SH3BP4: variants seen among roughly 807,000 people sequenced by gnomAD.
The protein encoded by SH3BP4 is SH3 domain-binding protein 4.
A neutral mutation model predicts 65.5 loss-of-function variants in SH3BP4; 33 were observed. The ratio of observed to expected loss-of-function variants is 0.50; its 90% CI spans 0.38 to 0.67. The LOEUF (loss-of-function observed/expected upper bound fraction) is 0.67. Ranked by LOEUF, SH3BP4 falls within the 30% of genes least tolerant of loss-of-function variation. SH3BP4 has a pLI of 0.00. For synonymous variants in SH3BP4, 552 were observed against 545.5 expected (o/e 1.01, Z -0.17); for missense variants, 1,134 against 1,261.4 (o/e 0.90, Z 1.53).
intron 2 of SH3BP4, among the ~76,000 whole-genome samples, chr2:235,002,425 A>G (rs1231264880): frequency 6.6e-6 from 1 of 152,196 alleles, no homozygotes; most frequent in Non-Finnish European, 1.5e-5. Context: ...TGCCTCAGAG[A>G]AGCTGAAGTC....
At chr2:235,010,361 A>G (rs1694441159) in intron 2 of SH3BP4, among the ~76,000 whole-genome samples, 3 of 152,164 alleles carry the variant, frequency 2.0e-5, no homozygotes, top group African/African-American at 4.8e-5. Context: ...GCAGGGCAAG[A>G]TGCACACAGT....
chr2:235,023,295 T>C (rs1694899119), intron 2 of SH3BP4, among the ~76,000 whole-genome samples: 1 of 152,104 alleles, frequency 6.6e-6, no homozygotes, highest in Admixed American at 6.6e-5. Context: ...ACCTATACTC[T>C]CAGCACTTTG....
At chr2:235,019,705 G>A (rs574536290) in intron 2 of SH3BP4, among the ~76,000 whole-genome samples, 1 of 151,778 alleles carries the variant, frequency 6.6e-6, no homozygotes, top group South Asian at 2.1e-4. Flanking sequence ...TAAAGTGCTG[G>A]CATTACAGGT....
At chr2:234,986,430 G>A (rs1693561899) in intron 1 of SH3BP4, among the ~76,000 whole-genome samples, 1 of 152,250 alleles carries the variant, frequency 6.6e-6, no homozygotes, top group Non-Finnish European at 1.5e-5. Flanking sequence ...AGGCAGGAAT[G>A]TTAACTTCTA....
rs75556478 is a variant in SH3BP4 at position 235,055,049 on chromosome 2, A to G, written c.*1233A>G. On this transcript the variant is annotated 3_prime_UTR_variant, in exon 6 of 6. Transcript: ENST00000392011. ...TGACTCACATAAAATCAGGAACTTG[A>G]CACAGTGTTGCATTAATAACTTTAG... The G allele has an allele frequency of 0.08, 12,242 of 152,300 alleles. 607 individuals carry two copies. The highest frequency in any genetic ancestry group is 0.14 in the African/African-American group (5,724 of 41,550). 9.4% of individuals were successfully genotyped at this position (152,300 alleles called of 1,614,324 possible). A position where few individuals can be genotyped will look rare whatever the true frequency, so the allele number is the denominator to read the frequency against.
At chr2:235,021,132 G>A (rs548536662) in intron 2 of SH3BP4, among the ~76,000 whole-genome samples, 4 of 152,062 alleles carry the variant, frequency 2.6e-5, no homozygotes, top group South Asian at 4.2e-4. Context: ...AAGTTTGGCC[G>A]TCTCTGCCCT....
chr2:235,026,381 C>A lies in SH3BP4; in HGVS notation c.-132-8490C>A, dbSNP rs1232767114. Among the ~76,000 whole-genome samples, 1 of 152,132 alleles carries A rather than the reference C, an allele frequency of 6.6e-6. No individual in the cohort carries two copies. Among genetic ancestry groups the A allele is most frequent in the African/African-American group, 2.4e-5 (1 of 41,420 alleles). On this transcript the variant is annotated intron_variant, in intron 2 of 5. Coordinates refer to ENST00000392011, the MANE Select transcript of SH3BP4 (RefSeq NM_014521.3). This position sits in a 1 kb window ranked among gnomAD's most constrained non-coding sequence, Gnocchi z 4.6. The stretch of plus-strand genomic sequence containing the variant: ...TGACGACTCATGGCCCTTGTTTTCC[C>A]CGCATCTCTGGAGTCTGAGTCACCA...
chr2:234,987,170 C>T (rs1023143629), intron 1 of SH3BP4, among the ~76,000 whole-genome samples: 4 of 152,118 alleles, frequency 2.6e-5, no homozygotes, highest in Admixed American at 6.5e-5. Context: ...AGAAACTGAG[C>T]GTTGTTGGGC....
chr2:234,995,234 C>G (rs942296203), intron 1 of SH3BP4, 69 bp from the exon 2 acceptor site: 12 of 152,364 alleles, frequency 7.9e-5, no homozygotes, highest in African/African-American at 2.7e-4. Flanking sequence ...GGGGCCCTGG[C>G]GGGAAGCAGG....
rs1695280434 is a variant in SH3BP4, at chr2:235,033,814, C to T, written c.-132-1057C>T. 6.6e-6 allele frequency among the ~76,000 whole-genome samples: 1 copy of T among 152,176 alleles called. No individual in the cohort carries two copies. Among genetic ancestry groups the T allele is most frequent in the Non-Finnish European group, 1.5e-5 (1 of 68,040 alleles). The stretch of plus-strand genomic sequence containing the variant: ...GCAGAAACGTTGCAAAGGGTGGTGT[C>T]AGGGCCTCCGGGTCTCTGCATGGTA... On this transcript the variant is annotated intron_variant, in intron 2 of 5. Transcript: ENST00000392011. This position sits in a 1 kb window ranked among gnomAD's most constrained non-coding sequence, Gnocchi z 5.7.
At chr2:234,975,768 C>T (rs375169206) in intron 1 of SH3BP4, among the ~76,000 whole-genome samples, 56 of 152,144 alleles carry the variant, frequency 3.7e-4, no homozygotes, top group East Asian at 2.9e-3. Flanking sequence ...CTCAGCTACC[C>T]GGGAGGCTGA....
At chr2:235,048,538 T>C (rs1695950059) in intron 4 of SH3BP4, among the ~76,000 whole-genome samples, 2 of 151,530 alleles carry the variant, frequency 1.3e-5, no homozygotes, top group South Asian at 4.2e-4. Context: ...AAGGTTTGAT[T>C]GTGTTGCCCA....
chr2:235,000,610 G>A (rs530216770), intron 2 of SH3BP4, among the ~76,000 whole-genome samples: 2 of 152,318 alleles, frequency 1.3e-5, no homozygotes, highest in African/African-American at 2.4e-5. Flanking sequence ...GTCAAGCCGC[G>A]ATGTTCATGT....
rs1012266351 is a variant in SH3BP4, at chr2:235,035,340, G to C, written c.118+220G>C. ...ATTAGTGAAACCCCTTCTTAATACA[G>C]GGTATGTTTCTTTTTACTTGATAAA... On this transcript the variant is annotated intron_variant, in intron 3 of 5. Transcript: ENST00000392011. This position sits in a 1 kb window ranked among gnomAD's most constrained non-coding sequence, Gnocchi z 5.0. Among the ~76,000 whole-genome samples, 5 of 152,184 alleles carry C rather than the reference G, an allele frequency of 3.3e-5. No individual in the cohort carries two copies. The highest frequency in any genetic ancestry group is 5.9e-5 in the Non-Finnish European group (4 of 68,038).
intron 1 of SH3BP4, among the ~76,000 whole-genome samples, chr2:234,972,458 T>C (rs1693029851): frequency 6.6e-6 from 1 of 152,004 alleles, no homozygotes; most frequent in South Asian, 2.1e-4. Context: ...TTTTTCTTTT[T>C]TTGGTAGAGA....
At chr2:235,021,079 T>C (rs1694834588) in intron 2 of SH3BP4, among the ~76,000 whole-genome samples, 2 of 152,196 alleles carry the variant, frequency 1.3e-5, no homozygotes, top group Non-Finnish European at 2.9e-5. Context: ...AGAGAATATA[T>C]GGCCCCACAA....
chr2:234,976,096 T>C lies in SH3BP4; in HGVS notation c.-206-19207T>C, dbSNP rs1235314924. On this transcript the variant is annotated intron_variant, in intron 1 of 5. Coordinates refer to ENST00000392011, the MANE Select transcript of SH3BP4 (RefSeq NM_014521.3). This position sits in a 1 kb window ranked among gnomAD's most constrained non-coding sequence, Gnocchi z 4.7. ...GTGCCGAGTTTGGCACCAGGGATGA[T>C]GTGTGTGGTTGTATCTTCTAGGGAC... Among the ~76,000 whole-genome samples the C allele has an allele frequency of 1.3e-5, 2 of 151,998 alleles. No individual in the cohort carries two copies. Among genetic ancestry groups the C allele is most frequent in the Non-Finnish European group, 2.9e-5 (2 of 67,986 alleles).
intron 2 of SH3BP4, among the ~76,000 whole-genome samples, chr2:235,017,970 A>G (rs1694741978): frequency 6.6e-6 from 1 of 152,014 alleles, no homozygotes; most frequent in Non-Finnish European, 1.5e-5. Flanking sequence ...TATCAACACC[A>G]CCTACATAAA....
rs768231673 is a variant in SH3BP4, at chr2:235,041,426, G to A, written c.657G>A (p.Glu219=). 55 of 1,614,064 alleles carry A rather than the reference G, an allele frequency of 3.4e-5. No individual in the cohort carries two copies. Among genetic ancestry groups the A allele is most frequent in the Non-Finnish European group, 4.2e-5 (50 of 1,180,052 alleles). ...TTNSTGNIFD[E]LPVTNGLHAE... Reference sequence around the variant, plus strand: ...ATAGCACTGGCAACATCTTCGATGAGCTTCCAGTCACAAACGGACTCCACG... The same window carrying A: ...ATAGCACTGGCAACATCTTCGATGAACTTCCAGTCACAAACGGACTCCACG... Residue 219 remains glutamate, a synonymous_variant, in exon 4 of 6, where the codon GAG becomes GAA. Transcript: ENST00000392011. The surrounding 1 kb of genome is among the most constrained non-coding windows in gnomAD (Gnocchi z 6.0).
Sources: gnomAD v4.1 joint callset for allele counts (sites outside exome capture counted in the v4.1 genomes callset) on GRCh38, gnomAD v4.1.1 for gene constraint, Gnocchi (gnomAD v3.1) non-coding constraint, MANE v1.5 for transcripts, NCBI Gene and HGNC (gene_info 2026-07-23, HGNC 2026-07-21) for gene names.